Variants in RSRP1 observed in about 807,000 individuals in gnomAD.
RSRP1 encodes arginine and serine rich protein 1.
RSRP1 carries 37 observed loss-of-function variants against 33.0 expected under a neutral mutation model. The ratio of observed to expected loss-of-function variants is 1.12; its 90% CI spans 0.86 to 1.48. RSRP1 has a LOEUF of 1.48. Among genes scored for constraint, RSRP1 ranks in the 40% most tolerant of loss-of-function variants. The probability of loss-of-function intolerance (pLI) is 0.00; values close to 1 mark genes in which losing one functional copy is unlikely to be tolerated. For synonymous variants in RSRP1, 167 were observed against 158.7 expected (o/e 1.05, Z -0.40); for missense variants, 402 against 385.3 (o/e 1.04, Z -0.36).
intron 1 of RSRP1, among the ~76,000 whole-genome samples, chr1:25,258,988 C>T (rs1640038305): frequency 6.6e-6 from 1 of 152,064 alleles, no homozygotes; most frequent in Non-Finnish European, 1.5e-5. Context: ...TAGAATACAA[C>T]AATAAAATAC....
chr1:25,278,824 ATC>A (rs1557514703), intron 1 of RSRP1, among the ~76,000 whole-genome samples: 1 of 129,140 alleles, frequency 7.7e-6, no homozygotes, highest in African/African-American at 2.7e-5. Flanking sequence ...CCTTTGGGAA[ATC>A]TCTGTTTTTC....
In RSRP1 at chr1:25,302,692, GGCACCAAGTA is replaced by G. The variant is rs1215492839; in HGVS notation, c.-67+35276_-67+35285del. ...GGGCCCAGTCACACAGGGTGGCACA[GGCACCAAGTA>G]GCCAATAATAATAATAAAAACAATA... is the stretch of plus-strand genomic sequence containing the variant. On this transcript the variant is annotated intron_variant, in intron 1 of 1. Transcript: ENST00000561867. Among the ~76,000 whole-genome samples, 2 of 130,614 alleles carry G rather than the reference GGCACCAAGTA, an allele frequency of 1.5e-5. 1 individual carries two copies. Among genetic ancestry groups the G allele is most frequent in the Non-Finnish European group, 3.6e-5 (2 of 55,308 alleles). 85.7% of individuals were successfully genotyped at this position (130,614 alleles called of 152,430 possible).
upstream of RSRP1, among the ~76,000 whole-genome samples, chr1:25,251,204 CA>C (rs1639767506): frequency 6.6e-6 from 1 of 151,814 alleles, no homozygotes; most frequent in Non-Finnish European, 1.5e-5. Flanking sequence ...CTAGAGCCTC[CA>C]AAAAGAAACA....
rs376821754 is a variant in RSRP1 at position 25,246,809 on chromosome 1, C to G, written c.155G>C (p.Arg52Pro). 6.8e-6 allele frequency: 11 copies of G among 1,613,418 alleles called. No individual in the cohort carries two copies. The African/African-American group carries it at 1.5e-4, about 22-fold the overall frequency. ...GCTCCTCCGACTCCTGGACGAAAAC[C>G]GGCTCGAGACGCGGGAATGGGACCG... is the stretch of plus-strand genomic sequence containing the variant. Reference protein sequence around the residue: ...SSRSHSRVSSRFSSRSRRSKS... With the variant: ...SSRSHSRVSSPFSSRSRRSKS... The change falls in exon 2 of 5, where the codon CGG (arginine) becomes CCG (proline). Residue 52 changes from arginine (R) to proline (P), a missense_variant. Coordinates refer to ENST00000243189, the MANE Select transcript of RSRP1 (RefSeq NM_020317.5).
intron 4 of RSRP1, 146 bp from the exon 5 acceptor site, chr1:25,242,851 C>T (rs1638968971): frequency 1.7e-6 from 1 of 603,246 alleles, no homozygotes; most frequent in East Asian, 2.8e-5. Context: ...AATCCCAGCA[C>T]TTTGGAAGGC....
intron 1 of RSRP1, among the ~76,000 whole-genome samples, chr1:25,276,517 AC>A (rs59535574): frequency 0.84 from 76,761 of 91,694 alleles, 35,642 homozygotes; most frequent in Non-Finnish European, 0.99. Flanking sequence ...ACATAGGGAG[AC>A]CCCCCCCCAT....
intron 1 of RSRP1, among the ~76,000 whole-genome samples, chr1:25,300,493 T>TG (rs1330044152): frequency 1.3e-5 from 1 of 78,050 alleles, no homozygotes; most frequent in Non-Finnish European, 3.0e-5. Flanking sequence ...GCTTGAGCAA[T>TG]GGAGCAAGAC....
At position 25,316,425 on chromosome 1, in the gene RSRP1, C is replaced by G. The variant is rs373755086; in HGVS notation, c.-67+21553G>C. Among the ~76,000 whole-genome samples, 313 of 126,732 alleles carry G rather than the reference C, an allele frequency of 2.5e-3. 28 individuals carry two copies. Among genetic ancestry groups the G allele is most frequent in the African/African-American group, 5.6e-3 (201 of 36,154 alleles). 83.1% of individuals were successfully genotyped at this position (126,732 alleles called of 152,430 possible). ...ACTTGAGGTCAGGAGTTCGAGATCA[C>G]CCTGGTCAACATGGTGAAACCCCGT... On this transcript the variant is annotated intron_variant, in intron 1 of 1. Coordinates refer to the RSRP1 transcript ENST00000561867.
rs1177589774 is a variant in RSRP1 at position 25,276,519 on chromosome 1, C to A, written c.-66-29490G>T. Among the ~76,000 whole-genome samples, 67 of 5,878 alleles carry A rather than the reference C, an allele frequency of 0.011. 11 individuals are homozygous for A. The South Asian group carries it at 0.6, about 53-fold the overall frequency. The allele number at this position is 5,878 out of a possible 152,430, so 3.9% of individuals were successfully genotyped here. On this transcript the variant is annotated intron_variant, in intron 1 of 1. Coordinates refer to the RSRP1 transcript ENST00000561867. ...ACGAGCCTAGGAAACATAGGGAGAC[C>A]CCCCCCCATCTCTAAAAAAAAAAAA...
rs545456801 is a variant in RSRP1, at chr1:25,256,525, T to C, written c.-66-9496A>G. On this transcript the variant is annotated intron_variant, in intron 1 of 1. Coordinates refer to the RSRP1 transcript ENST00000561867. ...AGGATGGAGTGCAGTGGTGTGATCA[T>C]GGCTCACTACAGCCTCAACCTTCCA... 4.6e-5 allele frequency among the ~76,000 whole-genome samples: 7 copies of C among 152,300 alleles called. No individual in the cohort carries two copies. The South Asian group carries it at 1.2e-3, about 27-fold the overall frequency.
intron 1 of RSRP1, among the ~76,000 whole-genome samples, chr1:25,270,639 G>C (rs547167882): frequency 7.6e-6 from 1 of 132,056 alleles, no homozygotes; most frequent in South Asian, 2.3e-4. Flanking sequence ...CCTGATCTAG[G>C]CTACAGTTAA....
rs1358513005 is a variant in RSRP1, at chr1:25,333,782, G to A, written c.-67+4196C>T. 2.3e-5 allele frequency among the ~76,000 whole-genome samples: 3 copies of A among 129,788 alleles called. No individual in the cohort carries two copies. In the East Asian group the frequency reaches 5.9e-4, roughly 25 times the overall value. 85.1% of individuals were successfully genotyped at this position (129,788 alleles called of 152,430 possible). The stretch of plus-strand genomic sequence containing the variant: ...GGAGCAAGTCACGTCTTACGTGGAT[G>A]GCAGGCAAAGACAAAGACAGCTTGT... On this transcript the variant is annotated intron_variant, in intron 1 of 1. Transcript: ENST00000561867.
intron 1 of RSRP1, among the ~76,000 whole-genome samples, chr1:25,318,620 G>C (rs1644537725): frequency 7.6e-6 from 1 of 131,970 alleles, no homozygotes; most frequent in Non-Finnish European, 1.8e-5. Context: ...ATTCCATCCA[G>C]AACTGTTCAC....
chr1:25,286,480 C>A (rs1642001713), intron 1 of RSRP1, among the ~76,000 whole-genome samples: 2 of 134,912 alleles, frequency 1.5e-5, no homozygotes, highest in Admixed American at 1.4e-4. Flanking sequence ...CAGAGTGAGA[C>A]CCTGTCTCAA....
At chr1:25,286,959 G>T (rs1371052150) in intron 1 of RSRP1, among the ~76,000 whole-genome samples, 2 of 133,596 alleles carry the variant, frequency 1.5e-5, no homozygotes, top group African/African-American at 5.2e-5. Context: ...TGGGTGTGGC[G>T]GCAGGCACCT....
intron 1 of RSRP1, among the ~76,000 whole-genome samples, chr1:25,299,616 T>G: frequency 7.8e-6 from 1 of 128,178 alleles, no homozygotes; most frequent in Non-Finnish European, 1.8e-5. Flanking sequence ...AGGAGGGCAA[T>G]AGGAGGTGAC....
chr1:25,260,849 G>A (rs182974698), intron 1 of RSRP1, among the ~76,000 whole-genome samples: 1 of 151,368 alleles, frequency 6.6e-6, no homozygotes, highest in Non-Finnish European at 1.5e-5. Context: ...CCAGGCTGGA[G>A]TGCAGTGGCC....
chr1:25,250,877 C>G (rs1403022029), upstream of RSRP1, among the ~76,000 whole-genome samples: 1 of 152,094 alleles, frequency 6.6e-6, no homozygotes, highest in Non-Finnish European at 1.5e-5. Flanking sequence ...GGCGAGGTGG[C>G]GTCCGCCTGT....
In RSRP1 at chr1:25,277,426, C is replaced by T. The variant is rs1463872410; in HGVS notation, c.-66-30397G>A. Reference sequence around the variant, plus strand: ...CTAGGCCAGACCTACTGATCAGAAGCTCTGGGCCTGGGGCCCAGCAGTCTG... The same window carrying T: ...CTAGGCCAGACCTACTGATCAGAAGTTCTGGGCCTGGGGCCCAGCAGTCTG... On this transcript the variant is annotated intron_variant, in intron 1 of 1. Transcript: ENST00000561867. 2.2e-5 allele frequency among the ~76,000 whole-genome samples: 3 copies of T among 133,480 alleles called. 1 individual carries two copies. Among genetic ancestry groups the T allele is most frequent in the Admixed American group, 1.4e-4 (2 of 13,858 alleles). 87.6% of individuals were successfully genotyped at this position (133,480 alleles called of 152,430 possible).
Sources: gnomAD v4.1 joint callset for allele counts (sites outside exome capture counted in the v4.1 genomes callset) on GRCh38, gnomAD v4.1.1 for gene constraint, MANE v1.5 for transcripts, NCBI Gene and HGNC (gene_info 2026-07-23, HGNC 2026-07-21) for gene names.